SCN7A: variants seen among roughly 807,000 people sequenced by gnomAD.
SCN7A encodes the protein sodium voltage-gated channel alpha subunit 7.
In SCN7A, 138 loss-of-function variants were observed where a neutral mutation model predicts 155.2. The ratio of observed to expected loss-of-function variants is 0.89; its 90% confidence interval spans 0.77 to 1.02. SCN7A has a LOEUF of 1.02. Ranked by LOEUF, SCN7A falls within the 50% of genes least tolerant of loss-of-function variation. The pLI is 0.00. For missense variants in SCN7A, 2,058 were observed against 1,986.6 expected, an observed-to-expected ratio of 1.04 and a Z score of -0.68; for synonymous variants, 693 against 649.0, an observed-to-expected ratio of 1.07 and a Z score of -1.03.
At chr2:166,418,183 C>T (rs1271369953) in intron 20 of SCN7A, among the ~76,000 whole-genome samples, 7 of 149,614 alleles carry the variant, frequency 4.7e-5, no homozygotes, top group African/African-American at 1.7e-4. Context: ...TGCAATGGCC[C>T]GATCTTGGCT....
intron 2 of SCN7A, 30 bp from the exon 3 acceptor site, chr2:166,477,740 A>G: frequency 7.3e-7 from 1 of 1,369,662 alleles, no homozygotes; most frequent in Non-Finnish European, 9.8e-7. Flanking sequence ...AAAGTTGGGT[A>G]TACTAATAAA....
In SCN7A at chr2:166,444,820, G is replaced by A; in HGVS notation, c.1568C>T (p.Thr523Ile). Residue 523 changes from threonine to isoleucine, a missense_variant, in exon 13 of 26, where the codon ACC becomes ATC. Thr to Ile is a moderately conservative substitution (Grantham distance 89). Coordinates refer to ENST00000643258, the MANE Select transcript of SCN7A (RefSeq NM_002976.4). ...ICIILNVCFL[T>I]LEHYPMSKQT... Reference sequence around the variant, plus strand: ...TTTACTCATTGGATAATGCTCCAAGGTCAGAAAACATACGTTTAAAATTAT... The same window carrying A: ...TTTACTCATTGGATAATGCTCCAAGATCAGAAAACATACGTTTAAAATTAT... The A allele has an allele frequency of 6.2e-7, 1 of 1,609,134 alleles. No homozygotes were observed. The highest frequency in any genetic ancestry group is 2.2e-5 in the East Asian group (1 of 44,738).
At position 166,472,339 on chromosome 2, in the gene SCN7A, C is replaced by A; in HGVS notation, c.550G>T (p.Asp184Tyr). Residue 184 changes from aspartate to tyrosine, a missense_variant, in exon 6 of 26, where the codon GAT becomes TAT. Transcript: ENST00000643258. ...SFLGDPWNWL[D>Y]FSVTVFEVII... ...CACTCAAACACAGTTACGCTGAAAT[C>A]GAGCCAGTTCCATGGATCACCGAGG... 1 of 1,606,990 alleles carries A rather than the reference C, an allele frequency of 6.2e-7. No individual in the cohort carries two copies. The highest frequency in any genetic ancestry group is 8.5e-7 in the Non-Finnish European group (1 of 1,176,138).
At chr2:166,429,325 C>T in intron 16 of SCN7A, 51 bp from the exon 17 acceptor site, 3 of 1,086,596 alleles carry the variant, frequency 2.8e-6, no homozygotes, top group Non-Finnish European at 4.0e-6. Context: ...TTCATTTACC[C>T]ATGGTGGCCA....
chr2:166,410,106 A>G, intron 24 of SCN7A, 114 bp downstream of exon 24: 1 of 1,135,166 alleles, frequency 8.8e-7, no homozygotes, highest in Non-Finnish European at 1.2e-6. Flanking sequence ...ATGACCATGA[A>G]AAGCTTTGTC....
chr2:166,458,143 A>G (rs1285891739), intron 10 of SCN7A, among the ~76,000 whole-genome samples: 1 of 152,002 alleles, frequency 6.6e-6, no homozygotes, highest in Non-Finnish European at 1.5e-5. Context: ...TATAAAGTAC[A>G]TTGCAAATCC....
chr2:166,470,229 T>C (rs1312392765), intron 7 of SCN7A, among the ~76,000 whole-genome samples: 2 of 151,814 alleles, frequency 1.3e-5, no homozygotes, highest in Admixed American at 1.3e-4. Context: ...TTATATTACT[T>C]TGTTCATGTC....
In SCN7A at chr2:166,483,730, T is replaced by C. The variant is rs549301871; in HGVS notation, c.-15+3126A>G. The stretch of plus-strand genomic sequence containing the variant: ...AAAAACACTCAAACTTTTTTGATCA[T>C]ATAAAACAGTATAATTATTCTAAGA... On this transcript the variant is annotated intron_variant, in intron 2 of 25. Coordinates refer to ENST00000643258, the MANE Select transcript of SCN7A (RefSeq NM_002976.4). Among the ~76,000 whole-genome samples, 10 of 152,044 alleles carry C rather than the reference T, an allele frequency of 6.6e-5. No individual in the cohort carries two copies. In the East Asian group the frequency reaches 1.7e-3, roughly 26 times the overall value.
chr2:166,466,652 ACTTT>A (rs532268129), intron 7 of SCN7A, among the ~76,000 whole-genome samples: 13 of 151,942 alleles, frequency 8.6e-5, no homozygotes, highest in South Asian at 2.1e-4. Flanking sequence ...TTGTATATAA[ACTTT>A]CTTTCTTTCT....
intron 12 of SCN7A, among the ~76,000 whole-genome samples, chr2:166,446,127 A>C (rs371649462): frequency 1.3e-5 from 2 of 152,226 alleles, no homozygotes; most frequent in African/African-American, 2.4e-5. Context: ...CAATCTATCC[A>C]TCTGGCAAAG....
Position 166,406,071 on chromosome 2 carries a change from G to A in SCN7A, c.4558C>T (p.Gln1520Ter), listed in dbSNP as rs1250326635. 6.2e-7 allele frequency: 1 copy of A among 1,612,410 alleles called. No homozygotes were observed. The highest frequency in any genetic ancestry group is 8.5e-7 in the Non-Finnish European group (1 of 1,179,156). Residue 1520 changes from glutamine (Q) to a stop codon, truncating the protein, a stop_gained, in exon 26 of 26, where the codon CAG becomes TAG. Transcript: ENST00000643258. LOFTEE classifies it high-confidence loss of function. ...TCAGGATCAAACCTTTTCCATACCT[G>A]AAAGAATTTCCTAAAATCATCTTCA... Reference protein sequence around the residue: ...LSEDDFRKFFQVWKRFDPDRT... With the variant: ...LSEDDFRKFF
intron 3 of SCN7A, among the ~76,000 whole-genome samples, chr2:166,475,119 T>TATATATAC (rs763878028): frequency 0.015 from 2,012 of 130,114 alleles, 58 homozygotes; most frequent in African/African-American, 0.052. Flanking sequence ...TATATATATA[T>TATATATAC]ACATATATAT....
In SCN7A at chr2:166,473,813, C is replaced by T; in HGVS notation, c.429G>A (p.Trp143Ter). 3.3e-6 allele frequency: 5 copies of T among 1,498,240 alleles called. No individual in the cohort carries two copies. The highest frequency in any genetic ancestry group is 4.6e-6 in the Non-Finnish European group (5 of 1,098,098). The allele number at this position is 1,498,240 out of a possible 1,614,324, so 92.8% of individuals were successfully genotyped here. ...VFMSLTNLPK[W>*]RPVLENTLLG... Reference sequence around the variant, plus strand: ...ATATAACATACTCTAATACTGGTCTCCATTTTGGCAAATTAGTCAGGGACA... The same window carrying T: ...ATATAACATACTCTAATACTGGTCTTCATTTTGGCAAATTAGTCAGGGACA... The change falls in exon 5 of 26, where the codon TGG becomes TGA. Residue 143 changes from tryptophan (W) to a stop codon, truncating the protein, a stop_gained. Transcript: ENST00000643258. LOFTEE classifies it high-confidence loss of function.
intron 1 of SCN7A, among the ~76,000 whole-genome samples, chr2:166,488,278 C>G (rs1703096585): frequency 6.6e-6 from 1 of 152,158 alleles, no homozygotes; most frequent in African/African-American, 2.4e-5. Context: ...GGCCTTTTCC[C>G]TTAGAGCTTT....
chr2:166,454,616 C>G (rs1324716159), intron 11 of SCN7A, among the ~76,000 whole-genome samples: 1 of 152,072 alleles, frequency 6.6e-6, no homozygotes, highest in Non-Finnish European at 1.5e-5. Context: ...GTATCTCGGC[C>G]CTTCACTTTT....
chr2:166,435,803 A>G (rs1701827206), intron 15 of SCN7A, among the ~76,000 whole-genome samples: 1 of 151,938 alleles, frequency 6.6e-6, no homozygotes, highest in Non-Finnish European at 1.5e-5. Flanking sequence ...TTTTATTTTC[A>G]TGTTTCTATC....
At position 166,443,742 on chromosome 2, in the gene SCN7A, C is replaced by G. The variant is rs563123667; in HGVS notation, c.1627-66G>C. On this transcript the variant is annotated intron_variant, in intron 13 of 25. Coordinates refer to ENST00000643258, the MANE Select transcript of SCN7A (RefSeq NM_002976.4). ...ATAGCTGTATCAGAATCTTCACACA[C>G]AAAATCTGTGACACACACTGTTTAC... is the stretch of plus-strand genomic sequence containing the variant. The G allele has an allele frequency of 1.9e-5, 22 of 1,187,926 alleles. No individual in the cohort carries two copies. The Admixed American group carries it at 5.6e-4, about 30-fold the overall frequency. The allele number at this position is 1,187,926 out of a possible 1,614,324, so 73.6% of individuals were successfully genotyped here. A position where few individuals can be genotyped will look rare whatever the true frequency, so the allele number is the denominator to read the frequency against.
Position 166,472,300 on chromosome 2 carries a change from T to A in SCN7A, c.572+17A>T, listed in dbSNP as rs200033970. ...GAGCAAAACATTAAAATAGACTCAA[T>A]TTAAAGAAATACTCACTCAAACACA... is the stretch of plus-strand genomic sequence containing the variant. On this transcript the variant is annotated intron_variant, in intron 6 of 25. Coordinates refer to ENST00000643258, the MANE Select transcript of SCN7A (RefSeq NM_002976.4). 1.1e-4 allele frequency: 168 copies of A among 1,572,360 alleles called. No individual in the cohort carries two copies. The Middle Eastern group carries it at 2.1e-3, about 19-fold the overall frequency.
At position 166,405,469 on chromosome 2, in the gene SCN7A, C is replaced by T; in HGVS notation, c.*111G>A. 2.5e-6 allele frequency: 2 copies of T among 787,838 alleles called. No individual in the cohort carries two copies. The highest frequency in any genetic ancestry group is 3.9e-5 in the South Asian group (2 of 51,938). 48.8% of individuals were successfully genotyped at this position (787,838 alleles called of 1,614,324 possible). A position where few individuals can be genotyped will look rare whatever the true frequency, so the allele number is the denominator to read the frequency against. On this transcript the variant is annotated 3_prime_UTR_variant, in exon 26 of 26. Transcript: ENST00000643258. Reference sequence around the variant, plus strand: ...AGTCTTGTGAATACAAGCTTAATTACCATCGGTTGTAAAGAACTGATTATT... The same window carrying T: ...AGTCTTGTGAATACAAGCTTAATTATCATCGGTTGTAAAGAACTGATTATT...
Sources: gnomAD v4.1 joint callset for allele counts (sites outside exome capture counted in the v4.1 genomes callset) on GRCh38, gnomAD v4.1.1 for gene constraint, MANE v1.5 for transcripts, NCBI Gene and HGNC (gene_info 2026-07-23, HGNC 2026-07-21) for gene names.